LMO7: variants seen among roughly 807,000 people sequenced by gnomAD.
The protein encoded by LMO7 is LIM domain 7.
In LMO7, 120 loss-of-function variants were observed where a neutral mutation model predicts 206.5. That is an observed-to-expected ratio of 0.58 (90% confidence interval 0.50 to 0.68). The LOEUF is 0.68. Among genes scored for constraint, LMO7 ranks in the 30% least tolerant of loss-of-function variants. The pLI is 0.00. For synonymous variants in LMO7, 706 were observed against 681.5 expected (o/e 1.04, Z -0.56); for missense variants, 1,959 against 1,957.9 (o/e 1.00, Z -0.01).
At chr13:75,800,385 A>G (rs2054575830) in intron 6 of LMO7, among the ~76,000 whole-genome samples, 2 of 152,222 alleles carry the variant, frequency 1.3e-5, no homozygotes, top group Admixed American at 1.3e-4. Flanking sequence ...TCATTAAACT[A>G]GTAATTTTCC....
intron 4 of LMO7, among the ~76,000 whole-genome samples, chr13:75,778,352 C>T (rs1455630518): frequency 6.6e-6 from 1 of 152,112 alleles, no homozygotes; most frequent in Non-Finnish European, 1.5e-5. Context: ...CTCGCCTCAG[C>T]CTCCCGAGTA....
intron 28 of LMO7, among the ~76,000 whole-genome samples, chr13:75,853,959 T>C (rs1200402194): frequency 6.6e-6 from 1 of 152,238 alleles, no homozygotes; most frequent in Admixed American, 6.5e-5. Flanking sequence ...TTGGGCGTTC[T>C]GTTTGCCCAC....
At chr13:75,804,970 G>T in intron 8 of LMO7, 1 of 1,000,078 alleles carries the variant, frequency 1.0e-6, no homozygotes, top group Non-Finnish European at 1.2e-6. Flanking sequence ...TTTGAAAGTG[G>T]TTCGGACTCT....
At position 75,853,186 on chromosome 13, in the gene LMO7, T is replaced by A; in HGVS notation, c.4459T>A (p.Ser1487Thr). 6.2e-7 allele frequency: 1 copy of A among 1,614,162 alleles called. No homozygotes were observed. Among genetic ancestry groups the A allele is most frequent in the East Asian group, 2.2e-5 (1 of 44,866 alleles). Residue 1487 changes from serine to threonine, a missense_variant, in exon 28 of 31, where the codon TCT becomes ACT. Transcript: ENST00000377534. ...NQPTGFYASS[S>T]VQDFSRPPPQ... Reference sequence around the variant, plus strand: ...GCCCACAGGATTCTATGCTTCTTCCTCTGTGCAAGACTTTAGTCGCCCACC... The same window carrying A: ...GCCCACAGGATTCTATGCTTCTTCCACTGTGCAAGACTTTAGTCGCCCACC...
At position 75,804,645 on chromosome 13, in the gene LMO7, A is replaced by G; in HGVS notation, c.914+104A>G. The G allele has an allele frequency of 1.5e-6, 2 of 1,340,604 alleles. 1 individual carries two copies. The highest frequency in any genetic ancestry group is 3.0e-5 in the South Asian group (2 of 66,520). 83.0% of individuals were successfully genotyped at this position (1,340,604 alleles called of 1,614,324 possible). On this transcript the variant is annotated intron_variant, in intron 8 of 30. Transcript: ENST00000377534. ...CTCTTAAATGTGTTTCATAGATCATATATTAAGCTTGACTAGTGAGAATAT... is the reference window on the plus strand; with the variant it reads ...CTCTTAAATGTGTTTCATAGATCATGTATTAAGCTTGACTAGTGAGAATAT...
intron 3 of LMO7, among the ~76,000 whole-genome samples, chr13:75,751,977 G>T (rs1423573877): frequency 6.6e-6 from 1 of 152,124 alleles, no homozygotes; most frequent in Admixed American, 6.5e-5. Flanking sequence ...TAGGGTAAGA[G>T]CCTAGGGTGT....
Position 75,667,061 on chromosome 13 carries a change from A to AT in LMO7, c.69+30344dup, listed in dbSNP as rs201833318. Reference sequence around the variant, plus strand: ...CAGTGATATTATAAATGGAGTGGACATTTTTTTTTCTTTGAGCAGTGGTTA... The same window carrying AT: ...CAGTGATATTATAAATGGAGTGGACATTTTTTTTTTCTTTGAGCAGTGGTTA... On this transcript the variant is annotated intron_variant, in intron 1 of 30. Transcript: ENST00000377534. Among the ~76,000 whole-genome samples, 729 of 151,492 alleles carry AT rather than the reference A, an allele frequency of 4.8e-3. 3 individuals are homozygous for AT. Among genetic ancestry groups the AT allele is most frequent in the African/African-American group, 0.017 (700 of 41,302 alleles).
chr13:75,674,588 C>T (rs2039857159), intron 1 of LMO7, among the ~76,000 whole-genome samples: 1 of 152,138 alleles, frequency 6.6e-6, no homozygotes. Flanking sequence ...CAGAATGCTC[C>T]CGTGTGTTGG....
intron 2 of LMO7, among the ~76,000 whole-genome samples, chr13:75,630,682 A>G (rs1019350631): frequency 3.3e-5 from 5 of 152,170 alleles, no homozygotes; most frequent in Admixed American, 1.3e-4. Context: ...AAAACAAAAC[A>G]AACAAAAAAG....
intron 2 of LMO7, among the ~76,000 whole-genome samples, chr13:75,625,372 G>A (rs1249498593): frequency 1.3e-5 from 2 of 152,090 alleles, no homozygotes; most frequent in African/African-American, 2.4e-5. Flanking sequence ...AAATAATAGA[G>A]GCTGATAGCC....
At chr13:75,641,152 G>T (rs1443257515) in intron 1 of LMO7, among the ~76,000 whole-genome samples, 2 of 152,212 alleles carry the variant, frequency 1.3e-5, no homozygotes, top group Non-Finnish European at 2.9e-5. Flanking sequence ...AGTTCATCCG[G>T]TGCATCGTGA....
chr13:75,767,629 G>C (rs189554131), intron 4 of LMO7, among the ~76,000 whole-genome samples: 1 of 151,934 alleles, frequency 6.6e-6, no homozygotes, highest in Admixed American at 6.6e-5. Flanking sequence ...ACACTGGAAG[G>C]ATCTGAACAC....
intron 3 of LMO7, among the ~76,000 whole-genome samples, chr13:75,731,229 T>C (rs903058567): frequency 2.6e-5 from 4 of 152,144 alleles, no homozygotes; most frequent in African/African-American, 9.7e-5. Context: ...GACAGTGGGG[T>C]GTTAAAGTCT....
At position 75,833,037 on chromosome 13, in the gene LMO7, T is replaced by G; in HGVS notation, c.2950-14T>G. ...AGGGACACCGGATACCAGCGTTTCATGTTTTGTTTTCAGGATCAGTTCAGT... is the reference window on the plus strand; with the variant it reads ...AGGGACACCGGATACCAGCGTTTCAGGTTTTGTTTTCAGGATCAGTTCAGT... On this transcript the variant is annotated splice_polypyrimidine_tract_variant and intron_variant, in intron 15 of 30. Coordinates refer to ENST00000377534, the MANE Select transcript of LMO7 (RefSeq NM_001306080.2). The G allele has an allele frequency of 1.4e-6, 2 of 1,475,530 alleles. No individual in the cohort carries two copies. Among genetic ancestry groups the G allele is most frequent in the Non-Finnish European group, 1.9e-6 (2 of 1,054,270 alleles). 91.4% of individuals were successfully genotyped at this position (1,475,530 alleles called of 1,614,324 possible). A position where few individuals can be genotyped will look rare whatever the true frequency, so the allele number is the denominator to read the frequency against.
chr13:75,677,642 C>CTT (rs10633628), intron 1 of LMO7, among the ~76,000 whole-genome samples: 46,452 of 147,672 alleles, frequency 0.31, 7,914 homozygotes, highest in Non-Finnish European at 0.38. Flanking sequence ...TGTCCTGTAG[C>CTT]TTTTTTTTTT....
At position 75,636,501 on chromosome 13, in the gene LMO7, A is replaced by G. The variant is rs745745375; in HGVS notation, c.-157A>G. Reference sequence around the variant, plus strand: ...AGACCTTAACGAACTGCAGAGCGCAACAAAGGGAACTAGAGCCCCGGCGCC... The same window carrying G: ...AGACCTTAACGAACTGCAGAGCGCAGCAAAGGGAACTAGAGCCCCGGCGCC... On this transcript the variant is annotated 5_prime_UTR_variant, in exon 1 of 31. Transcript: ENST00000377534. 6.7e-7 allele frequency: 1 copy of G among 1,487,702 alleles called. No individual in the cohort carries two copies. Among genetic ancestry groups the G allele is most frequent in the Non-Finnish European group, 8.9e-7 (1 of 1,128,980 alleles). The allele number at this position is 1,487,702 out of a possible 1,614,324, so 92.2% of individuals were successfully genotyped here.
intron 2 of LMO7, among the ~76,000 whole-genome samples, chr13:75,724,639 TA>T (rs2044310676): frequency 1.3e-5 from 2 of 152,196 alleles, no homozygotes; most frequent in Admixed American, 6.5e-5. Context: ...TAGGCAGACT[TA>T]AATTTCACAG....
chr13:75,786,497 C>G (rs1337169060), intron 4 of LMO7, among the ~76,000 whole-genome samples: 1 of 151,946 alleles, frequency 6.6e-6, no homozygotes, highest in Non-Finnish European at 1.5e-5. Flanking sequence ...GCCTCAGCCT[C>G]CCGAGTAGCT....
At chr13:75,633,325 A>G (rs960549041), upstream of LMO7, among the ~76,000 whole-genome samples, 3 of 152,206 alleles carry the variant, frequency 2.0e-5, no homozygotes, top group Admixed American at 6.5e-5. Flanking sequence ...TGTATTCCTG[A>G]AGCTTGCTCA....
Sources: allele counts gnomAD v4.1 joint callset (sites outside exome capture counted in the v4.1 genomes callset), GRCh38; gene constraint gnomAD v4.1.1; transcripts MANE v1.5; gene names NCBI Gene and HGNC (gene_info 2026-07-23, HGNC 2026-07-21).